GRID1: variants seen among roughly 807,000 people sequenced by gnomAD.
GRID1 encodes glutamate receptor ionotropic, delta-1.
In GRID1, 28 loss-of-function variants were observed where a neutral mutation model predicts 98.0. The observed-to-expected ratio is 0.29, with a 90% CI of 0.21 to 0.39. The LOEUF (loss-of-function observed/expected upper bound fraction) is 0.39. GRID1 is among the 10% of genes least tolerant of loss of function. The pLI, the probability that GRID1 is intolerant of heterozygous loss-of-function variation, is 1.00. For missense variants in GRID1, 1,111 were observed against 1,340.5 expected (o/e 0.83, Z 2.67); for synonymous variants, 553 against 538.5 (o/e 1.03, Z -0.37).
At chr10:85,757,799 C>A (rs1590219005) in intron 8 of GRID1, among the ~76,000 whole-genome samples, 2 of 152,324 alleles carry the variant, frequency 1.3e-5, no homozygotes, top group East Asian at 3.9e-4. Context: ...TGGGGACAGT[C>A]ATTCCTACCT....
intron 8 of GRID1, among the ~76,000 whole-genome samples, chr10:85,790,763 C>T (rs1054191852): frequency 1.3e-5 from 2 of 152,208 alleles, no homozygotes; most frequent in African/African-American, 2.4e-5. Flanking sequence ...ACAGCAGTGG[C>T]TGACTGTGCA....
chr10:85,618,306 G>A (rs1041087281), intron 14 of GRID1, among the ~76,000 whole-genome samples: 1 of 151,880 alleles, frequency 6.6e-6, no homozygotes, highest in African/African-American at 2.4e-5. Flanking sequence ...TGCTGTGTTG[G>A]CCCCATGGGC....
At chr10:85,831,952 A>T (rs1842870852) in intron 8 of GRID1, among the ~76,000 whole-genome samples, 1 of 152,090 alleles carries the variant, frequency 6.6e-6, no homozygotes, top group African/African-American at 2.4e-5. Flanking sequence ...AATAAGAACA[A>T]AGATTAATAA....
At chr10:85,943,324 C>T (rs1309817601) in intron 4 of GRID1, among the ~76,000 whole-genome samples, 1 of 151,732 alleles carries the variant, frequency 6.6e-6, no homozygotes, top group Non-Finnish European at 1.5e-5. Context: ...AAAATATATG[C>T]CATATTTTTT....
intron 8 of GRID1, among the ~76,000 whole-genome samples, chr10:85,738,897 A>G (rs1841912722): frequency 6.6e-6 from 1 of 152,110 alleles, no homozygotes; most frequent in African/African-American, 2.4e-5. Flanking sequence ...GGGCTAATGG[A>G]AGTGTTCTAT....
At chr10:85,634,323 A>G (rs1004919244) in intron 13 of GRID1, among the ~76,000 whole-genome samples, 2 of 147,346 alleles carry the variant, frequency 1.4e-5, no homozygotes, top group Admixed American at 6.9e-5. Context: ...ACAGACTACA[A>G]TTTCAAAATA....
chr10:86,089,093 G>T (rs1208153982), intron 4 of GRID1, among the ~76,000 whole-genome samples: 2 of 152,156 alleles, frequency 1.3e-5, no homozygotes, highest in Admixed American at 6.6e-5. Context: ...ATCTTCACCA[G>T]GCTGAAATGA....
At chr10:85,675,427 A>G (rs1841133682) in intron 12 of GRID1, among the ~76,000 whole-genome samples, 3 of 152,186 alleles carry the variant, frequency 2.0e-5, no homozygotes, top group Non-Finnish European at 4.4e-5. Flanking sequence ...AACCTACCAC[A>G]GGGATCCAGG....
intron 5 of GRID1, among the ~76,000 whole-genome samples, chr10:85,891,569 A>G (rs1228524477): frequency 6.6e-6 from 1 of 152,214 alleles, no homozygotes; most frequent in Non-Finnish European, 1.5e-5. Context: ...GATAACAGGC[A>G]TAACTAGACA....
In GRID1 at chr10:85,613,542, G is replaced by A. The variant is rs150033140; in HGVS notation, c.2466C>T (p.Asp822=). Residue 822 remains aspartate, a synonymous_variant, in exon 15 of 16, where the codon GAC becomes GAT. Coordinates refer to ENST00000327946, the MANE Select transcript of GRID1 (RefSeq NM_017551.3). The part of the protein sequence containing the change: ...DLTSHASAQA[D]GKSLKLHSFA... The stretch of plus-strand genomic sequence containing the variant: ...AGCTGTGCAGCTTGAGGGATTTGCC[G>A]TCGGCCTGGGCGCTGGCATGGCTGG... The A allele has an allele frequency of 2.9e-4, 475 of 1,614,182 alleles. 1 individual carries two copies. The highest frequency in any genetic ancestry group is 4.9e-4 in the Middle Eastern group (3 of 6,062).
In GRID1 at chr10:85,968,327, T is replaced by G. The variant is rs569432434; in HGVS notation, c.727-52088A>C. Among the ~76,000 whole-genome samples, 393 of 152,008 alleles carry G rather than the reference T, an allele frequency of 2.6e-3. 1 individual carries two copies. The highest frequency in any genetic ancestry group is 4.5e-3 in the Non-Finnish European group (306 of 67,954). ...TTTGCTGGGCCTGGTGGCGGGCACC[T>G]GTAGTCCCAGCTACTCGGGAGGCTG... On this transcript the variant is annotated intron_variant, in intron 4 of 15. Coordinates refer to ENST00000327946, the MANE Select transcript of GRID1 (RefSeq NM_017551.3).
intron 12 of GRID1, among the ~76,000 whole-genome samples, chr10:85,718,063 G>C (rs1841660057): frequency 1.3e-5 from 2 of 152,188 alleles, no homozygotes; most frequent in South Asian, 4.1e-4. Context: ...GCTTTCATGG[G>C]CTGGCATTGA....
At chr10:85,905,668 G>A (rs77572156) in intron 5 of GRID1, among the ~76,000 whole-genome samples, 318 of 152,180 alleles carry the variant, frequency 2.1e-3, no homozygotes, top group Non-Finnish European at 3.9e-3. Context: ...AATATATGTG[G>A]TGTAGTATAA....
chr10:86,234,721 C>G (rs1432800134), intron 2 of GRID1, among the ~76,000 whole-genome samples: 2 of 152,192 alleles, frequency 1.3e-5, no homozygotes, highest in African/African-American at 4.8e-5. Flanking sequence ...AAGCATCAGG[C>G]TTGTTTTCTA....
At chr10:85,649,514 T>G (rs1843238794) in intron 12 of GRID1, among the ~76,000 whole-genome samples, 1 of 152,086 alleles carries the variant, frequency 6.6e-6, no homozygotes, top group African/African-American at 2.4e-5. Flanking sequence ...TTTTTAAAAT[T>G]TTTTCTCATG....
intron 4 of GRID1, among the ~76,000 whole-genome samples, chr10:85,974,438 T>C (rs1198621534): frequency 6.6e-6 from 1 of 152,136 alleles, no homozygotes; most frequent in Admixed American, 6.5e-5. Flanking sequence ...AAATGTCAGG[T>C]ACTATTATTG....
Position 85,953,311 on chromosome 10 carries a change from G to A in GRID1, c.727-37072C>T, listed in dbSNP as rs184989663. 1.1e-4 allele frequency among the ~76,000 whole-genome samples: 16 copies of A among 152,212 alleles called. No homozygotes were observed. The East Asian group carries it at 2.3e-3, about 22-fold the overall frequency. ...ACTGCATGTTCTTACTTATAAGTGG[G>A]AGCTAAATAATGAGAACACATAGAA... On this transcript the variant is annotated intron_variant, in intron 4 of 15. Coordinates refer to ENST00000327946, the MANE Select transcript of GRID1 (RefSeq NM_017551.3).
intron 13 of GRID1, 128 bp downstream of exon 13, chr10:85,647,074 C>G (rs1400495152): frequency 2.7e-6 from 2 of 731,166 alleles, no homozygotes; most frequent in East Asian, 2.5e-5. Flanking sequence ...AGAACGTGTG[C>G]GATGGATCGC....
chr10:86,194,240 C>T (rs962311054), intron 3 of GRID1, among the ~76,000 whole-genome samples: 6 of 152,224 alleles, frequency 3.9e-5, no homozygotes, highest in East Asian at 1.9e-4. Context: ...GATGTATCCA[C>T]GGCTGCGCAC....
Sources: gnomAD v4.1 joint callset for allele counts (sites outside exome capture counted in the v4.1 genomes callset) on GRCh38, gnomAD v4.1.1 for gene constraint, MANE v1.5 for transcripts, NCBI Gene and HGNC (gene_info 2026-07-23, HGNC 2026-07-21) for gene names.